Variants in LRP1B observed in about 807,000 individuals in gnomAD.
LRP1B encodes low-density lipoprotein receptor-related protein 1B.
In LRP1B, 217 loss-of-function variants were observed where a neutral mutation model predicts 556.6. The observed-to-expected ratio is 0.39, with a 90% confidence interval of 0.35 to 0.44. The LOEUF (loss-of-function observed/expected upper bound fraction) is 0.44, where lower values mean the gene tolerates loss of function less well. LRP1B is among the 20% of genes least tolerant of loss of function. LRP1B has a pLI of 1.00. For missense variants in LRP1B, 5,053 were observed against 5,620.8 expected (o/e 0.90, Z 3.23); for synonymous variants, 2,047 against 1,865.8 (o/e 1.10, Z -2.50).
At chr2:141,459,176 A>G (rs1281954178) in intron 3 of LRP1B, among the ~76,000 whole-genome samples, 1 of 152,166 alleles carries the variant, frequency 6.6e-6, no homozygotes, top group Non-Finnish European at 1.5e-5. Flanking sequence ...AGGTGGTAGT[A>G]TATGTTGAAT....
At chr2:140,984,700 G>T (rs529313025) in intron 17 of LRP1B, among the ~76,000 whole-genome samples, 1 of 152,032 alleles carries the variant, frequency 6.6e-6, no homozygotes, top group East Asian at 1.9e-4. Flanking sequence ...TGAAGCTGGA[G>T]GAACTGTTAT....
intron 1 of LRP1B, among the ~76,000 whole-genome samples, chr2:141,819,479 G>T (rs1696683304): frequency 6.6e-6 from 1 of 152,234 alleles, no homozygotes; most frequent in Admixed American, 6.5e-5. Flanking sequence ...CTTGAGATAA[G>T]CCAGGAAAAG....
intron 60 of LRP1B, among the ~76,000 whole-genome samples, chr2:140,467,554 A>C (rs1284473016): frequency 6.7e-6 from 1 of 148,424 alleles, no homozygotes; most frequent in Non-Finnish European, 1.5e-5. Context: ...CAGAGACTGC[A>C]GTGAGTCGAG....
chr2:140,779,478 C>T (rs769193884), intron 32 of LRP1B, among the ~76,000 whole-genome samples: 2 of 151,918 alleles, frequency 1.3e-5, no homozygotes, highest in African/African-American at 4.8e-5. Context: ...GGGTGGATCA[C>T]GAGGTCAGGA....
intron 2 of LRP1B, among the ~76,000 whole-genome samples, chr2:141,499,007 C>T (rs1479186808): frequency 1.3e-5 from 2 of 152,074 alleles, no homozygotes; most frequent in African/African-American, 4.8e-5. Flanking sequence ...AATGTCTTCT[C>T]TCATGAATTA....
chr2:141,225,289 A>T (rs189091699), intron 6 of LRP1B, among the ~76,000 whole-genome samples: 2,427 of 152,300 alleles, frequency 0.016, 32 homozygotes, highest in Non-Finnish European at 0.022. Flanking sequence ...AGAGTATTGA[A>T]GAATTCACCC....
chr2:140,256,607 T>A (rs1681703969), intron 86 of LRP1B, among the ~76,000 whole-genome samples: 1 of 151,436 alleles, frequency 6.6e-6, no homozygotes, highest in Non-Finnish European at 1.5e-5. Flanking sequence ...TAGCTGGGAC[T>A]ACAGGCGTGC....
chr2:141,585,422 CGTGTGTGTGTGTGTGTGT>C lies in LRP1B; in HGVS notation c.206-104907_206-104890del, dbSNP rs3041302. 5.6e-4 allele frequency among the ~76,000 whole-genome samples: 73 copies of C among 129,258 alleles called. 1 individual carries two copies. The highest frequency in any genetic ancestry group is 3.9e-3 in the Middle Eastern group (1 of 256). 84.8% of individuals were successfully genotyped at this position (129,258 alleles called of 152,430 possible). On this transcript the variant is annotated intron_variant, in intron 2 of 90. Transcript: ENST00000389484. ...GTGCTTGTGAGTGTCCTGAAATAAT[CGTGTGTGTGTGTGTGTGT>C]GTGTGTGTGTGTGTGTGTGTGTGTG...
At chr2:141,467,334 A>G (rs1300218983) in intron 3 of LRP1B, among the ~76,000 whole-genome samples, 1 of 152,038 alleles carries the variant, frequency 6.6e-6, no homozygotes, top group East Asian at 1.9e-4. Flanking sequence ...GAGAAGTGAA[A>G]GAAAAGCATG....
intron 32 of LRP1B, among the ~76,000 whole-genome samples, chr2:140,800,302 A>G (rs933213326): frequency 6.6e-6 from 1 of 152,112 alleles, no homozygotes; most frequent in Admixed American, 6.5e-5. Flanking sequence ...AATGTAAATG[A>G]CGAGTAAATG....
In LRP1B at chr2:141,592,095, T is replaced by C. The variant is rs568408885; in HGVS notation, c.206-111562A>G. Reference sequence around the variant, plus strand: ...CCCTCAACCCCACATCCTCATCCTCTGCACCAACATTGACTGTGTTGCTCT... The same window carrying C: ...CCCTCAACCCCACATCCTCATCCTCCGCACCAACATTGACTGTGTTGCTCT... On this transcript the variant is annotated intron_variant, in intron 2 of 90. Coordinates refer to ENST00000389484, the MANE Select transcript of LRP1B (RefSeq NM_018557.3). Among the ~76,000 whole-genome samples the C allele has an allele frequency of 6.6e-5, 10 of 152,236 alleles. 1 individual carries two copies. In the South Asian group the frequency reaches 2.1e-3, roughly 32 times the overall value.
intron 84 of LRP1B, among the ~76,000 whole-genome samples, chr2:140,290,674 C>G (rs1318651674): frequency 6.6e-6 from 1 of 152,014 alleles, no homozygotes; most frequent in East Asian, 1.9e-4. Context: ...GTACTTTGGT[C>G]GCTTTTAGCT....
At chr2:140,922,666 A>G (rs1404540720) in intron 21 of LRP1B, among the ~76,000 whole-genome samples, 1 of 151,988 alleles carries the variant, frequency 6.6e-6, no homozygotes, top group Admixed American at 6.6e-5. Flanking sequence ...AGAAATAAAT[A>G]AACAAATAAA....
intron 5 of LRP1B, among the ~76,000 whole-genome samples, chr2:141,240,765 T>C (rs555109293): frequency 1.3e-5 from 2 of 152,166 alleles, no homozygotes; most frequent in East Asian, 3.9e-4. Flanking sequence ...CTAGAGCCCA[T>C]AAATATGGCC....
intron 2 of LRP1B, among the ~76,000 whole-genome samples, chr2:141,537,084 T>G (rs1384450603): frequency 6.6e-6 from 1 of 152,020 alleles, no homozygotes; most frequent in Non-Finnish European, 1.5e-5. Flanking sequence ...AATTACAAAT[T>G]GAAATAACTA....
At chr2:140,827,862 G>C (rs1691562405) in intron 31 of LRP1B, among the ~76,000 whole-genome samples, 1 of 152,046 alleles carries the variant, frequency 6.6e-6, no homozygotes, top group East Asian at 1.9e-4. Context: ...GATCCTAAAA[G>C]CATCAAGAGA....
chr2:140,546,000 T>TTGTG (rs148045904), intron 43 of LRP1B, among the ~76,000 whole-genome samples: 45,188 of 142,430 alleles, frequency 0.32, 7,378 homozygotes, highest in South Asian at 0.46. Flanking sequence ...TATTATTAGG[T>TTGTG]TGTGTGTGTG....
intron 32 of LRP1B, among the ~76,000 whole-genome samples, chr2:140,801,840 T>C (rs182854240): frequency 9.4e-4 from 143 of 152,008 alleles, no homozygotes; most frequent in Non-Finnish European, 4.9e-4. Context: ...AGATTGGAGA[T>C]AGAGAGAATG....
At chr2:140,556,014 A>C (rs992370248) in intron 43 of LRP1B, among the ~76,000 whole-genome samples, 1 of 152,116 alleles carries the variant, frequency 6.6e-6, no homozygotes, top group East Asian at 1.9e-4. Flanking sequence ...CAAGTAGATG[A>C]AGTTACCCTG....
Sources: allele counts gnomAD v4.1 joint callset (sites outside exome capture counted in the v4.1 genomes callset), GRCh38; gene constraint gnomAD v4.1.1; transcripts MANE v1.5; gene names NCBI Gene and HGNC (gene_info 2026-07-23, HGNC 2026-07-21).